The following MICAL2 variants were observed in gnomAD, a reference collection of about 807,000 sequenced individuals.
The protein encoded by MICAL2 is [F-actin]-monooxygenase MICAL2.
MICAL2 carries 77 observed loss-of-function variants against 127.3 expected under a neutral mutation model. The observed-to-expected ratio is 0.60, with a 90% CI of 0.50 to 0.73. The LOEUF is 0.73. MICAL2 is among the 30% of genes least tolerant of loss of function. The pLI is 0.00. For missense variants in MICAL2, 1,351 were observed against 1,434.4 expected (o/e 0.94, Z 0.94); for synonymous variants, 570 against 551.1 (o/e 1.03, Z -0.48).
chr11:12,242,108 C>A, intron 18 of MICAL2, 106 bp from the exon 19 acceptor site: 2 of 919,110 alleles, frequency 2.2e-6, no homozygotes, highest in Non-Finnish European at 3.2e-6. Context: ...CTTAGGGTTG[C>A]ACCTGGTGCA....
intron 6 of MICAL2, among the ~76,000 whole-genome samples, chr11:12,212,310 C>G (rs1267977886): frequency 6.6e-6 from 1 of 151,942 alleles, no homozygotes; most frequent in Non-Finnish European, 1.5e-5. Context: ...TCTCCACAAA[C>G]ACTTAAAAAA....
intron 3 of MICAL2, among the ~76,000 whole-genome samples, chr11:12,191,077 G>A (rs962249231): frequency 8.5e-5 from 13 of 152,198 alleles, no homozygotes; most frequent in African/African-American, 3.1e-4. Context: ...GACTGCTCTA[G>A]CCTCTGGGGA....
intron 24 of MICAL2, among the ~76,000 whole-genome samples, chr11:12,270,570 G>C (rs1304030333): frequency 6.6e-6 from 1 of 152,174 alleles, no homozygotes. Context: ...CTTCATCCCT[G>C]TTTGGCTTTT....
intron 17 of MICAL2, among the ~76,000 whole-genome samples, chr11:12,240,191 T>A (rs1859686398): frequency 6.6e-6 from 1 of 152,178 alleles, no homozygotes; most frequent in South Asian, 2.1e-4. Context: ...CTGTTTTGTC[T>A]GATGGGGGTT....
intron 34 of MICAL2, among the ~76,000 whole-genome samples, chr11:12,355,574 C>T (rs1939116709): frequency 6.6e-6 from 1 of 152,218 alleles, no homozygotes; most frequent in South Asian, 2.1e-4. Flanking sequence ...AATGTCTATA[C>T]CTCAGGGATC....
chr11:12,160,036 C>A (rs1854599338), intron 2 of MICAL2, among the ~76,000 whole-genome samples: 1 of 152,188 alleles, frequency 6.6e-6, no homozygotes, highest in Admixed American at 6.5e-5. Context: ...GGCAGGGAAG[C>A]TGGCCAGGCC....
At position 12,223,410 on chromosome 11, in the gene MICAL2, G is replaced by A. The variant is rs1459969043; in HGVS notation, c.1450-1G>A. On this transcript the variant is annotated splice_acceptor_variant, in intron 11 of 27. Coordinates refer to ENST00000683283, the MANE Select transcript of MICAL2 (RefSeq NM_001282663.2). LOFTEE classifies it high-confidence loss of function. ...GGCAAGCATGTCTCTCTTGCTCATA[G>A]GTGAAGCATTTGTATATCACTAAGG... 1.2e-6 allele frequency: 2 copies of A among 1,613,148 alleles called. No homozygotes were observed. The highest frequency in any genetic ancestry group is 8.5e-7 in the Non-Finnish European group (1 of 1,179,348).
intron 1 of MICAL2, among the ~76,000 whole-genome samples, chr11:12,121,825 A>G (rs1351992949): frequency 6.6e-6 from 1 of 152,208 alleles, no homozygotes. Context: ...TCTTCCATGT[A>G]TGTCTCAGGG....
chr11:12,209,474 A>G, intron 5 of MICAL2, 23 bp from the exon 6 acceptor site: 1 of 1,576,758 alleles, frequency 6.3e-7, no homozygotes, highest in Non-Finnish European at 8.7e-7. Flanking sequence ...CTGCCAACTC[A>G]TCTCATTTCT....
intron 1 of MICAL2, among the ~76,000 whole-genome samples, chr11:12,277,655 G>C (rs1863735927): frequency 6.6e-6 from 1 of 152,176 alleles, no homozygotes; most frequent in Non-Finnish European, 1.5e-5. Flanking sequence ...AAGAATAAGA[G>C]ATTACACCAG....
chr11:12,221,123 C>T (rs951579521), intron 9 of MICAL2, among the ~76,000 whole-genome samples: 2 of 152,086 alleles, frequency 1.3e-5, no homozygotes, highest in African/African-American at 4.8e-5. Context: ...AACCTAAGGC[C>T]CTTGGTTGAG....
At chr11:12,116,809 T>C (rs1850080577) in intron 1 of MICAL2, 1 of 152,246 alleles carries the variant, frequency 6.6e-6, no homozygotes, top group East Asian at 1.9e-4. Context: ...TGACCATGTA[T>C]GGAATAGTGT....
chr11:12,141,908 T>C (rs1344447112), intron 2 of MICAL2, among the ~76,000 whole-genome samples: 1 of 152,206 alleles, frequency 6.6e-6, no homozygotes, highest in Non-Finnish European at 1.5e-5. Flanking sequence ...GGAAGGTGGA[T>C]TTGTCTCTAA....
At chr11:12,156,232 T>G (rs896590594) in intron 2 of MICAL2, among the ~76,000 whole-genome samples, 3 of 152,166 alleles carry the variant, frequency 2.0e-5, no homozygotes, top group Non-Finnish European at 2.9e-5. Flanking sequence ...GTGAGTCTCT[T>G]GGGTGCTCTT....
At chr11:12,114,649 C>G (rs1448054313) in intron 1 of MICAL2, among the ~76,000 whole-genome samples, 1 of 152,208 alleles carries the variant, frequency 6.6e-6, no homozygotes, top group East Asian at 1.9e-4. Flanking sequence ...CCAGTTGTAT[C>G]ATAGCCACTC....
rs189826143 is a variant in MICAL2 at position 12,147,190 on chromosome 11, C to T, written c.-78+8730C>T. Among the ~76,000 whole-genome samples the T allele has an allele frequency of 4.8e-3, 724 of 151,126 alleles. 8 individuals are homozygous for T. Among genetic ancestry groups the T allele is most frequent in the Middle Eastern group, 0.02 (6 of 294 alleles). ...AAACCTGCACATTGTGCACATGTAC[C>T]CTAGCACTTAAAGTATAATAATAAT... is the stretch of plus-strand genomic sequence containing the variant. On this transcript the variant is annotated intron_variant, in intron 2 of 27. Transcript: ENST00000683283.
At chr11:12,201,995 G>A (rs1046396637) in intron 3 of MICAL2, among the ~76,000 whole-genome samples, 7 of 152,152 alleles carry the variant, frequency 4.6e-5, no homozygotes, top group Non-Finnish European at 7.3e-5. Context: ...GGTGGCACAT[G>A]CCTGTAATCC....
At chr11:12,281,953 G>C (rs1032492413) in intron 2 of MICAL2, among the ~76,000 whole-genome samples, 1 of 152,184 alleles carries the variant, frequency 6.6e-6, no homozygotes, top group Non-Finnish European at 1.5e-5. Flanking sequence ...CTAACCTGAC[G>C]GAAACTTGCT....
intron 1 of MICAL2, among the ~76,000 whole-genome samples, chr11:12,135,367 G>A (rs1430187545): frequency 2.0e-5 from 3 of 152,158 alleles, no homozygotes; most frequent in Admixed American, 1.3e-4. Context: ...GAGAGGTTAA[G>A]CAATTTGCCC....
Sources: allele counts gnomAD v4.1 joint callset (sites outside exome capture counted in the v4.1 genomes callset), GRCh38; gene constraint gnomAD v4.1.1; transcripts MANE v1.5; gene names NCBI Gene and HGNC (gene_info 2026-07-23, HGNC 2026-07-21).